Variants in PCDHGB5 observed in about 807,000 individuals in gnomAD.
PCDHGB5 encodes the protein protocadherin gamma subfamily B, 5, also known as protocadherin gamma-B5.
Under a neutral mutation model 62.9 loss-of-function variants are expected in PCDHGB5, and 48 were observed. The ratio of observed to expected loss-of-function variants is 0.76; its 90% CI spans 0.61 to 0.97. The LOEUF is 0.97. Among genes scored for constraint, PCDHGB5 ranks in the 50% least tolerant of loss-of-function variants. The pLI is 0.00. For synonymous variants in PCDHGB5, 474 were observed against 511.2 expected, an observed-to-expected ratio of 0.93 and a Z score of 0.98; for missense variants, 1,118 against 1,198.6, an observed-to-expected ratio of 0.93 and a Z score of 0.99.
intron 1 of PCDHGB5, among the ~76,000 whole-genome samples, chr5:141,458,557 G>A (rs1258900717): frequency 6.9e-6 from 1 of 143,954 alleles, no homozygotes; most frequent in Non-Finnish European, 1.5e-5. Context: ...TGTTTGTTTT[G>A]GTTTTGGGTT....
intron 1 of PCDHGB5, chr5:141,441,387 G>A (rs2098243952): frequency 6.5e-6 from 1 of 153,712 alleles, no homozygotes; most frequent in Non-Finnish European, 1.5e-5. Flanking sequence ...CAGACCCAAG[G>A]TATAACATCA....
Position 141,403,170 on chromosome 5 carries a change from A to C in PCDHGB5, c.2397+2646A>C. On this transcript the variant is annotated intron_variant, in intron 1 of 3. Transcript: ENST00000617380. ...CGCATCGTCTCTAGAGGTAGGACGC[A>C]GCTTTTCTCTCTGAACCCGCGCAGC... is the stretch of plus-strand genomic sequence containing the variant. 1 of 1,614,048 alleles carries C rather than the reference A, an allele frequency of 6.2e-7. No homozygotes were observed. Among genetic ancestry groups the C allele is most frequent in the East Asian group, 2.2e-5 (1 of 44,886 alleles).
At chr5:141,401,813 T>C (rs2094195030) in intron 1 of PCDHGB5, among the ~76,000 whole-genome samples, 1 of 152,208 alleles carries the variant, frequency 6.6e-6, no homozygotes, top group Non-Finnish European at 1.5e-5. Context: ...ATGGGTTCCT[T>C]ACAAAGTGCT....
Position 141,458,657 on chromosome 5 carries a change from C to T in PCDHGB5, c.2398-36150C>T, listed in dbSNP as rs1214452360. On this transcript the variant is annotated intron_variant, in intron 1 of 3. Coordinates refer to ENST00000617380, the MANE Select transcript of PCDHGB5 (RefSeq NM_018925.3). ...CAATCCCAGCTCACTGCAACCTCCA[C>T]CTCTCGGGTTCAAGCAATTCTACTG... Among the ~76,000 whole-genome samples, 6 of 152,276 alleles carry T rather than the reference C, an allele frequency of 3.9e-5. No homozygotes were observed. In the East Asian group the frequency reaches 9.6e-4, roughly 24 times the overall value.
intron 1 of PCDHGB5, among the ~76,000 whole-genome samples, chr5:141,464,263 T>TA (rs35224477): frequency 7.1e-4 from 74 of 103,538 alleles, no homozygotes; most frequent in East Asian, 1.9e-3. Flanking sequence ...AGACTCCGTC[T>TA]AAAAAAAAAA....
At chr5:141,472,778 G>T (rs1244170163) in intron 1 of PCDHGB5, among the ~76,000 whole-genome samples, 1 of 151,878 alleles carries the variant, frequency 6.6e-6, no homozygotes, top group Non-Finnish European at 1.5e-5. Flanking sequence ...CTGAGGTTGG[G>T]AGTTCAAGAT....
At chr5:141,441,087 TGACA>T (rs1168679217) in intron 1 of PCDHGB5, 1 of 152,174 alleles carries the variant, frequency 6.6e-6, no homozygotes, top group Non-Finnish European at 1.5e-5. Flanking sequence ...TGGTAGCAAG[TGACA>T]GAGAGGGACT....
At chr5:141,404,437 C>T in intron 1 of PCDHGB5, 3 of 1,613,094 alleles carry the variant, frequency 1.9e-6, no homozygotes, top group Non-Finnish European at 2.5e-6. Context: ...CAGAGGATAC[C>T]ATCCAAGGGT....
intron 2 of PCDHGB5, among the ~76,000 whole-genome samples, chr5:141,502,200 C>T (rs553356132): frequency 6.6e-6 from 1 of 152,252 alleles, no homozygotes; most frequent in African/African-American, 2.4e-5. Flanking sequence ...AATATAGAAT[C>T]CACCAGCAGA....
intron 1 of PCDHGB5, chr5:141,405,253 C>T (rs78501291): frequency 0.034 from 55,338 of 1,614,052 alleles, 1,052 homozygotes; most frequent in Middle Eastern, 0.098. Flanking sequence ...GGAAGAGTCA[C>T]CTGATCTTCC....
intron 1 of PCDHGB5, among the ~76,000 whole-genome samples, chr5:141,461,536 T>C (rs1424913303): frequency 1.3e-5 from 2 of 152,240 alleles, no homozygotes; most frequent in Non-Finnish European, 2.9e-5. Context: ...TTCTGGATAC[T>C]AGTCCTTTGT....
chr5:141,431,003 G>T lies in PCDHGB5; in HGVS notation c.2397+30479G>T, dbSNP rs2097334899. ...GCTTTTCGCCCTGAATCCGCGCAGC[G>T]GCAGCTTGGTCACGGCGGGCAGGAT... On this transcript the variant is annotated intron_variant, in intron 1 of 3. Coordinates refer to ENST00000617380, the MANE Select transcript of PCDHGB5 (RefSeq NM_018925.3). This position sits in a 1 kb window ranked among gnomAD's most constrained non-coding sequence, Gnocchi z 4.8. 1.9e-6 allele frequency: 3 copies of T among 1,613,960 alleles called. No homozygotes were observed. The highest frequency in any genetic ancestry group is 2.5e-6 in the Non-Finnish European group (3 of 1,179,982).
chr5:141,399,019 A>AC lies in PCDHGB5; in HGVS notation c.894dup (p.Thr299HisfsTer8). 6.2e-7 allele frequency: 1 copy of AC among 1,613,932 alleles called. No individual in the cohort carries two copies. The highest frequency in any genetic ancestry group is 8.5e-7 in the Non-Finnish European group (1 of 1,179,900). On this transcript the variant is annotated frameshift_variant, in exon 1 of 4. Coordinates refer to ENST00000617380, the MANE Select transcript of PCDHGB5 (RefSeq NM_018925.3). LOFTEE classifies it high-confidence loss of function. ...TCTGAATTCAAAGAGCGGAGAAATT[A>AC]CCACTCAAAAGAAACTGGATTTTGA...
In PCDHGB5 at chr5:141,431,279, C is replaced by G. The variant is rs1163372308; in HGVS notation, c.2397+30755C>G. Reference sequence around the variant, plus strand: ...CTCTCTGCAGAGCTACGAGCTCAGCCCGAACACTCACTTCTCCCTCATCGT... The same window carrying G: ...CTCTCTGCAGAGCTACGAGCTCAGCGCGAACACTCACTTCTCCCTCATCGT... On this transcript the variant is annotated intron_variant, in intron 1 of 3. Coordinates refer to ENST00000617380, the MANE Select transcript of PCDHGB5 (RefSeq NM_018925.3). This position sits in a 1 kb window ranked among gnomAD's most constrained non-coding sequence, Gnocchi z 4.8. 1 of 1,614,028 alleles carries G rather than the reference C, an allele frequency of 6.2e-7. No individual in the cohort carries two copies. Among genetic ancestry groups the G allele is most frequent in the African/African-American group, 1.3e-5 (1 of 74,926 alleles).
chr5:141,475,254 C>T (rs776471860), intron 1 of PCDHGB5, among the ~76,000 whole-genome samples: 9 of 152,208 alleles, frequency 5.9e-5, no homozygotes, highest in Admixed American at 1.3e-4. Flanking sequence ...TGCTCTACAA[C>T]TGAGATCATG....
chr5:141,446,423 T>C (rs745968692), intron 1 of PCDHGB5, among the ~76,000 whole-genome samples: 1 of 152,152 alleles, frequency 6.6e-6, no homozygotes, highest in Non-Finnish European at 1.5e-5. Context: ...CATGTTCATT[T>C]GAAGGATCTG....
intron 1 of PCDHGB5, among the ~76,000 whole-genome samples, chr5:141,488,133 G>T (rs1046071550): frequency 6.6e-6 from 1 of 152,198 alleles, no homozygotes; most frequent in Non-Finnish European, 1.5e-5. Context: ...AGAAAGAGGA[G>T]AGAACTAAAG....
At chr5:141,480,715 G>A (rs906358826) in intron 1 of PCDHGB5, among the ~76,000 whole-genome samples, 1 of 152,124 alleles carries the variant, frequency 6.6e-6, no homozygotes, top group African/African-American at 2.4e-5. Flanking sequence ...ACAAATGAAA[G>A]CACAGTCTCT....
chr5:141,509,516 T>C (rs2099877144), intron 3 of PCDHGB5, among the ~76,000 whole-genome samples: 1 of 152,130 alleles, frequency 6.6e-6, no homozygotes, highest in Non-Finnish European at 1.5e-5. Context: ...GTGTTGATGA[T>C]GTATTGCACA....
Sources: allele counts gnomAD v4.1 joint callset (sites outside exome capture counted in the v4.1 genomes callset), GRCh38; gene constraint gnomAD v4.1.1; non-coding constraint Gnocchi (gnomAD v3.1); transcripts MANE v1.5; gene names NCBI Gene and HGNC (gene_info 2026-07-23, HGNC 2026-07-21).